Variants in STRN3 observed in about 807,000 individuals in gnomAD.
STRN3 encodes striatin 3, also known as striatin-3.
STRN3 carries 29 observed loss-of-function variants against 95.6 expected under a neutral mutation model. The observed-to-expected ratio is 0.30, with a 90% CI of 0.23 to 0.41. STRN3 has a LOEUF of 0.41. Among genes scored for constraint, STRN3 ranks in the 10% least tolerant of loss-of-function variants. The pLI is 1.00. For missense variants in STRN3, 890 were observed against 972.1 expected (o/e 0.92, Z 1.12); for synonymous variants, 331 against 357.6 (o/e 0.93, Z 0.84).
chr14:30,944,905 GC>G (rs1879285521), intron 5 of STRN3, among the ~76,000 whole-genome samples: 1 of 151,998 alleles, frequency 6.6e-6, no homozygotes, highest in Non-Finnish European at 1.5e-5. Context: ...GAGCTACTGT[GC>G]CCAGTCGACC....
At chr14:30,909,986 T>C (rs1013773430) in intron 13 of STRN3, among the ~76,000 whole-genome samples, 3 of 152,230 alleles carry the variant, frequency 2.0e-5, no homozygotes, top group Admixed American at 1.3e-4. Context: ...ATCTTGGCAA[T>C]GTCGTTTGTC....
intron 1 of STRN3, among the ~76,000 whole-genome samples, chr14:31,007,103 C>A (rs181268220): frequency 4.7e-4 from 72 of 152,118 alleles, no homozygotes; most frequent in Non-Finnish European, 1.0e-3. Flanking sequence ...ACCTCCTATC[C>A]AACTTTTCTC....
rs113505549 is a variant in STRN3 at position 30,905,313 on chromosome 14, C to T, written c.2029+105G>A. On this transcript the variant is annotated intron_variant, in intron 15 of 17. Coordinates refer to ENST00000357479, the MANE Select transcript of STRN3 (RefSeq NM_001083893.2). Reference sequence around the variant, plus strand: ...TAACATTATGAAACTAATTATTTTGCCATCCTAAATTCAAATAGTGAAAAT... The same window carrying T: ...TAACATTATGAAACTAATTATTTTGTCATCCTAAATTCAAATAGTGAAAAT... The T allele has an allele frequency of 4.2e-4, 469 of 1,108,254 alleles. 1 individual carries two copies. In the African/African-American group the frequency reaches 6.5e-3, roughly 15 times the overall value. The allele number at this position is 1,108,254 out of a possible 1,614,324, so 68.7% of individuals were successfully genotyped here. A position where few individuals can be genotyped will look rare whatever the true frequency, so the allele number is the denominator to read the frequency against.
rs532722906 is a variant in STRN3, at chr14:30,900,851, T to C, written c.2137+1685A>G. ...CTAGTTAACAGAAATAATAAATAGGTGAAATTTGGAAACAATTTGAAAGAC... is the reference window on the plus strand; with the variant it reads ...CTAGTTAACAGAAATAATAAATAGGCGAAATTTGGAAACAATTTGAAAGAC... On this transcript the variant is annotated intron_variant, in intron 16 of 17. Coordinates refer to ENST00000357479, the MANE Select transcript of STRN3 (RefSeq NM_001083893.2). Among the ~76,000 whole-genome samples the C allele has an allele frequency of 8.5e-5, 13 of 152,144 alleles. No homozygotes were observed. The South Asian group carries it at 2.7e-3, about 32-fold the overall frequency.
chr14:30,902,704 G>C, intron 15 of STRN3, 61 bp from the exon 16 acceptor site: 4 of 1,095,072 alleles, frequency 3.7e-6, no homozygotes, highest in Non-Finnish European at 5.4e-6. Flanking sequence ...GTTGGATAAT[G>C]GCCTTTTTAA....
chr14:31,010,587 C>T (rs752156578), intron 1 of STRN3, among the ~76,000 whole-genome samples: 8 of 151,982 alleles, frequency 5.3e-5, no homozygotes, highest in East Asian at 1.9e-4. Flanking sequence ...ACTTTTTCAA[C>T]GTACTTTTTT....
chr14:30,924,285 A>AGCTTTTTTTTTT (rs1896959246), intron 8 of STRN3, among the ~76,000 whole-genome samples: 1 of 33,562 alleles, frequency 3.0e-5, no homozygotes, highest in Non-Finnish European at 5.9e-5. Flanking sequence ...CATGCCTTAA[A>AGCTTTTTTTTTT]TCTTTTTTTT....
At chr14:30,994,036 C>A (rs1334813697) in intron 1 of STRN3, among the ~76,000 whole-genome samples, 1 of 152,000 alleles carries the variant, frequency 6.6e-6, no homozygotes, top group African/African-American at 2.4e-5. Flanking sequence ...TGCCACCACA[C>A]CCAGCTAATT....
At chr14:30,924,278 G>T (rs1325007338) in intron 8 of STRN3, among the ~76,000 whole-genome samples, 3 of 92,716 alleles carry the variant, frequency 3.2e-5, no homozygotes, top group African/African-American at 4.2e-5. Context: ...AATGGCTCAT[G>T]CCTTAAATCT....
chr14:31,010,120 T>C (rs61976805), intron 1 of STRN3, among the ~76,000 whole-genome samples: 7,062 of 151,476 alleles, frequency 0.047, 207 homozygotes, highest in East Asian at 0.082. Flanking sequence ...AAAACAAAAG[T>C]AAAATAAAAA....
chr14:30,978,676 G>T (rs970441440), intron 1 of STRN3, among the ~76,000 whole-genome samples: 1 of 152,092 alleles, frequency 6.6e-6, no homozygotes, highest in Admixed American at 6.6e-5. Flanking sequence ...AACTGTTTGC[G>T]GATGACCTGA....
chr14:30,909,266 A>T (rs991228130), intron 13 of STRN3, among the ~76,000 whole-genome samples: 3 of 152,052 alleles, frequency 2.0e-5, no homozygotes, highest in African/African-American at 4.8e-5. Context: ...ATACTTTGGG[A>T]GGCTGAGGCA....
At chr14:30,945,464 G>A (rs1047325980) in intron 5 of STRN3, among the ~76,000 whole-genome samples, 1 of 152,070 alleles carries the variant, frequency 6.6e-6, no homozygotes, top group African/African-American at 2.4e-5. Context: ...AATTAGTCAG[G>A]CATGGTGTTG....
chr14:30,962,937 T>C (rs1004585511), intron 1 of STRN3, among the ~76,000 whole-genome samples: 2 of 152,190 alleles, frequency 1.3e-5, no homozygotes, highest in African/African-American at 4.8e-5. Flanking sequence ...CTATACAGGT[T>C]TGTGGTCTCA....
intron 1 of STRN3, among the ~76,000 whole-genome samples, chr14:30,997,746 T>C (rs575091051): frequency 1.3e-5 from 2 of 152,186 alleles, no homozygotes; most frequent in African/African-American, 4.8e-5. Flanking sequence ...AAGCTCAGAG[T>C]AGGAACCCGT....
intron 1 of STRN3, among the ~76,000 whole-genome samples, chr14:30,992,791 AT>A (rs1882025725): frequency 6.6e-6 from 1 of 151,472 alleles, no homozygotes; most frequent in Non-Finnish European, 1.5e-5. Context: ...AGGCGGTAAG[AT>A]TGTTTGAGCC....
intron 3 of STRN3, among the ~76,000 whole-genome samples, chr14:30,951,935 C>T (rs908626612): frequency 2.6e-5 from 4 of 151,942 alleles, no homozygotes; most frequent in Admixed American, 6.6e-5. Flanking sequence ...CTGAGCAACA[C>T]GGTGAAACGC....
chr14:30,939,942 C>T (rs187119513), intron 5 of STRN3, among the ~76,000 whole-genome samples: 36 of 152,086 alleles, frequency 2.4e-4, no homozygotes, highest in Admixed American at 6.6e-4. Context: ...ACTGTAAGTA[C>T]ATATTAGTAT....
chr14:30,995,959 T>C (rs1344217676), intron 1 of STRN3, among the ~76,000 whole-genome samples: 1 of 152,188 alleles, frequency 6.6e-6, no homozygotes, highest in South Asian at 2.1e-4. Context: ...CTCCATCCAA[T>C]GACTGATCAA....
Sources: gnomAD v4.1 joint callset for allele counts (sites outside exome capture counted in the v4.1 genomes callset) on GRCh38, gnomAD v4.1.1 for gene constraint, MANE v1.5 for transcripts, NCBI Gene and HGNC (gene_info 2026-07-23, HGNC 2026-07-21) for gene names.